HCN1: variants seen among roughly 807,000 people sequenced by gnomAD.
The protein encoded by HCN1 is potassium/sodium hyperpolarization-activated cyclic nucleotide-gated channel 1.
Under a neutral mutation model 78.9 loss-of-function variants are expected in HCN1, and 13 were observed. The ratio of observed to expected loss-of-function variants is 0.16; its 90% confidence interval spans 0.11 to 0.26. HCN1 has a LOEUF of 0.26. HCN1 is among the 10% of genes least tolerant of loss of function. The probability of loss-of-function intolerance (pLI) is 1.00; values close to 1 mark genes in which losing one functional copy is unlikely to be tolerated. For missense variants in HCN1, 810 were observed against 1,154.3 expected (o/e 0.70, Z 4.32); for synonymous variants, 552 against 455.5 (o/e 1.21, Z -2.70).
intron 3 of HCN1, among the ~76,000 whole-genome samples, chr5:45,405,869 T>C (rs546813429): frequency 6.6e-6 from 1 of 152,272 alleles, no homozygotes; most frequent in South Asian, 2.1e-4. Context: ...TCTGATTATT[T>C]TGAGAGTTCA....
At chr5:45,374,782 ATG>A (rs1422232184) in intron 4 of HCN1, among the ~76,000 whole-genome samples, 3 of 120,110 alleles carry the variant, frequency 2.5e-5, no homozygotes, top group African/African-American at 5.9e-5. Context: ...ATATATATAT[ATG>A]TGTGTATATA....
At chr5:45,303,229 T>G (rs1195378083) in intron 6 of HCN1, among the ~76,000 whole-genome samples, 1 of 152,126 alleles carries the variant, frequency 6.6e-6, no homozygotes, top group Non-Finnish European at 1.5e-5. Flanking sequence ...CCCCATTATA[T>G]GGGCCGTATC....
chr5:45,539,929 T>G (rs1490548335), intron 2 of HCN1, among the ~76,000 whole-genome samples: 80 of 25,788 alleles, frequency 3.1e-3, no homozygotes, highest in African/African-American at 5.0e-3. Flanking sequence ...GATATATATA[T>G]ATATATATAT....
chr5:45,350,174 C>T (rs1297156329), intron 5 of HCN1, among the ~76,000 whole-genome samples: 6 of 152,116 alleles, frequency 3.9e-5, no homozygotes, highest in Non-Finnish European at 8.8e-5. Flanking sequence ...AGGTTATCCA[C>T]CGCGATCAAG....
intron 5 of HCN1, among the ~76,000 whole-genome samples, chr5:45,313,397 A>C (rs1204820125): frequency 6.6e-6 from 1 of 152,210 alleles, no homozygotes; most frequent in Non-Finnish European, 1.5e-5. Context: ...AAAGGTAGAT[A>C]AAACCACAAA....
At chr5:45,433,608 C>G (rs923216788) in intron 3 of HCN1, among the ~76,000 whole-genome samples, 3 of 152,110 alleles carry the variant, frequency 2.0e-5, no homozygotes. Flanking sequence ...AGATACATTC[C>G]TGTCATCATA....
chr5:45,271,401 CAG>C (rs1554014861), intron 6 of HCN1, among the ~76,000 whole-genome samples: 12 of 145,174 alleles, frequency 8.3e-5, no homozygotes, highest in African/African-American at 1.3e-4. Context: ...CACACACACA[CAG>C]ACACAGTTGC....
At chr5:45,593,509 C>G (rs866252360) in intron 2 of HCN1, among the ~76,000 whole-genome samples, 1 of 151,882 alleles carries the variant, frequency 6.6e-6, no homozygotes, top group South Asian at 2.1e-4. Context: ...GGGCAGAGTT[C>G]CAATGGGAAT....
At chr5:45,383,244 G>T (rs1276689869) in intron 4 of HCN1, among the ~76,000 whole-genome samples, 2 of 152,100 alleles carry the variant, frequency 1.3e-5, no homozygotes, top group Admixed American at 6.6e-5. Context: ...CATGTATTCA[G>T]AATTCTGGTA....
chr5:45,486,485 A>G (rs980193160), intron 2 of HCN1, among the ~76,000 whole-genome samples: 9 of 152,174 alleles, frequency 5.9e-5, no homozygotes, highest in African/African-American at 2.2e-4. Context: ...TGCACATGAT[A>G]TTAAATATAC....
chr5:45,486,754 G>T (rs973478635), intron 2 of HCN1, among the ~76,000 whole-genome samples: 2 of 151,922 alleles, frequency 1.3e-5, no homozygotes, highest in African/African-American at 4.8e-5. Flanking sequence ...TAGGAATATT[G>T]TACAAGTATA....
chr5:45,531,935 G>A (rs1414377799), intron 2 of HCN1, among the ~76,000 whole-genome samples: 1 of 152,132 alleles, frequency 6.6e-6, no homozygotes, highest in Non-Finnish European at 1.5e-5. Context: ...AGCTACGCAG[G>A]AGGCTGAGGC....
At chr5:45,582,290 TG>T (rs1438447817) in intron 2 of HCN1, among the ~76,000 whole-genome samples, 5 of 152,208 alleles carry the variant, frequency 3.3e-5, no homozygotes, top group Admixed American at 2.0e-4. Flanking sequence ...CAATTGTGAA[TG>T]GGAGTTCACT....
At chr5:45,630,169 G>T (rs930275221) in intron 2 of HCN1, among the ~76,000 whole-genome samples, 2 of 152,022 alleles carry the variant, frequency 1.3e-5, no homozygotes, top group African/African-American at 4.8e-5. Context: ...TATAGCACAC[G>T]CCAATCAATA....
In HCN1 at chr5:45,404,693, C is replaced by CAAAAAA. The variant is rs60728403; in HGVS notation, c.1012-7989_1012-7984dup. On this transcript the variant is annotated intron_variant, in intron 3 of 7. Transcript: ENST00000303230. Reference sequence around the variant, plus strand: ...GGGAGTCAGGATGAAGGGCTATTTGCAAAAAAAAAAAAAAAAAAAAAAAAA... The same window carrying CAAAAAA: ...GGGAGTCAGGATGAAGGGCTATTTGCAAAAAAAAAAAAAAAAAAAAAAAAAAAAAAA... Among the ~76,000 whole-genome samples, 152 of 56,194 alleles carry CAAAAAA rather than the reference C, an allele frequency of 2.7e-3. 4 individuals are homozygous for CAAAAAA. The highest frequency in any genetic ancestry group is 3.9e-3 in the Non-Finnish European group (113 of 28,908). The allele number at this position is 56,194 out of a possible 152,430, so 36.9% of individuals were successfully genotyped here. A position where few individuals can be genotyped will look rare whatever the true frequency, so the allele number is the denominator to read the frequency against.
chr5:45,350,177 C>T (rs62367532), intron 5 of HCN1, among the ~76,000 whole-genome samples: 10,609 of 152,056 alleles, frequency 0.07, 516 homozygotes, highest in East Asian at 0.13. Context: ...TTATCCACCG[C>T]GATCAAGTGG....
At chr5:45,523,219 T>G (rs181235325) in intron 2 of HCN1, among the ~76,000 whole-genome samples, 28 of 152,318 alleles carry the variant, frequency 1.8e-4, no homozygotes, top group Non-Finnish European at 3.2e-4. Context: ...TAGTATTCCA[T>G]AGTGTATATG....
chr5:45,573,728 T>C (rs2111907090), intron 2 of HCN1, among the ~76,000 whole-genome samples: 1 of 152,206 alleles, frequency 6.6e-6, no homozygotes, highest in African/African-American at 2.4e-5. Flanking sequence ...TGATTTAAGA[T>C]ACCTATTATT....
At position 45,473,611 on chromosome 5, in the gene HCN1, G is replaced by C. The variant is rs560403222; in HGVS notation, c.850-11604C>G. 2.7e-5 allele frequency among the ~76,000 whole-genome samples: 4 copies of C among 147,530 alleles called. No homozygotes were observed. In the South Asian group the frequency reaches 8.7e-4, roughly 32 times the overall value. The stretch of plus-strand genomic sequence containing the variant: ...TTCTTCCTATATAATCAGTGACATT[G>C]CTTCATTAATTACCTCCTGTCTTCT... On this transcript the variant is annotated intron_variant, in intron 2 of 7. Transcript: ENST00000303230.
Sources: gnomAD v4.1 joint callset for allele counts (sites outside exome capture counted in the v4.1 genomes callset) on GRCh38, gnomAD v4.1.1 for gene constraint, MANE v1.5 for transcripts, NCBI Gene and HGNC (gene_info 2026-07-23, HGNC 2026-07-21) for gene names.